Variants in HAS1 observed in about 807,000 individuals in gnomAD.
HAS1 encodes the protein HA synthase 1.
Under a neutral mutation model 35.0 loss-of-function variants are expected in HAS1, and 27 were observed. That is an observed-to-expected ratio of 0.77 (90% CI 0.57 to 1.06). The LOEUF is 1.06. Ranked by LOEUF, HAS1 falls within the 50% of genes least tolerant of loss-of-function variation. HAS1 has a pLI of 0.00. For synonymous variants in HAS1, 409 were observed against 371.2 expected (o/e 1.10, Z -1.17); for missense variants, 940 against 814.8 (o/e 1.15, Z -1.87).
In HAS1 at chr19:51,716,319, TG is replaced by T. The variant is rs774464860; in HGVS notation, c.994del (p.His332ThrfsTer41). 1.9e-6 allele frequency: 3 copies of T among 1,613,678 alleles called. 1 individual carries two copies. The South Asian group carries it at 3.3e-5, about 18-fold the overall frequency. ...GTGCCGGTCATCCCCAAAAGTACAG[TG>T]GGTACCCAGGAACTTCTGGTTGTAC... Reference protein sequence around the residue: ...AWYNQKFLGTHCTFGDDRHLT... With the variant: ...AWYNQKFLGTXCTFGDDRHLT... On this transcript the variant is annotated frameshift_variant, in exon 4 of 5. Transcript: ENST00000540069. LOFTEE classifies it high-confidence loss of function.
At chr19:51,719,136 AAG>A in intron 2 of HAS1, 68 bp downstream of exon 2, 2 of 927,758 alleles carry the variant, frequency 2.2e-6, no homozygotes, top group Non-Finnish European at 3.2e-6. Context: ...CTGTACATTG[AAG>A]GAAAGACCCC....
In HAS1 at chr19:51,719,195, C is replaced by T. The variant is rs144942434; in HGVS notation, c.699+11G>A. On this transcript the variant is annotated intron_variant, in intron 2 of 4. Transcript: ENST00000540069. Reference sequence around the variant, plus strand: ...TCGGGTCACGAGTGGGCTGAAGGCGCCTCTACTCACCTGCACGTAGTCCAC... The same window carrying T: ...TCGGGTCACGAGTGGGCTGAAGGCGTCTCTACTCACCTGCACGTAGTCCAC... The T allele has an allele frequency of 6.8e-4, 1,023 of 1,511,366 alleles. 4 individuals carry two copies. The highest frequency in any genetic ancestry group is 1.8e-3 in the Middle Eastern group (10 of 5,536). The allele number at this position is 1,511,366 out of a possible 1,614,324, so 93.6% of individuals were successfully genotyped here.
At chr19:51,718,621 C>G (rs2122262031) in intron 2 of HAS1, among the ~76,000 whole-genome samples, 1 of 152,322 alleles carries the variant, frequency 6.6e-6, no homozygotes, top group Admixed American at 6.5e-5. Flanking sequence ...ACCGCACCCT[C>G]CGCCTCCCGG....
Position 51,719,869 on chromosome 19 carries a change from G to A in HAS1, c.36C>T (p.Ala12=). 1 of 1,539,408 alleles carries A rather than the reference G, an allele frequency of 6.5e-7. No individual in the cohort carries two copies. Among genetic ancestry groups the A allele is most frequent in the Non-Finnish European group, 8.7e-7 (1 of 1,147,346 alleles). The change falls in exon 2 of 5, where the codon GCC becomes GCT. Residue 12 remains alanine, a synonymous_variant. Transcript: ENST00000540069. ...TCCGGGCCAGGCCGGAGCAGCGGCAGGCTGCAGGAGTGGGCTTGGGCGCGT... is the reference window on the plus strand; with the variant it reads ...TCCGGGCCAGGCCGGAGCAGCGGCAAGCTGCAGGAGTGGGCTTGGGCGCGT... ...RQDAPKPTPA[A]CRCSGLARRV...
At position 51,713,617 on chromosome 19, in the gene HAS1, C is replaced by G. The variant is rs765735334; in HGVS notation, c.1544G>C (p.Gly515Ala). 6.4e-7 allele frequency: 1 copy of G among 1,557,750 alleles called. No homozygotes were observed. Among genetic ancestry groups the G allele is most frequent in the Non-Finnish European group, 8.7e-7 (1 of 1,151,512 alleles). The change falls in exon 5 of 5, where the codon GGC (glycine) becomes GCC (alanine). Residue 515 changes from glycine (G) to alanine (A), a missense_variant. Gly to Ala is a moderately conservative substitution (Grantham distance 60, BLOSUM62 0). Transcript: ENST00000540069. The surrounding 1 kb of genome is among the most constrained non-coding windows in gnomAD (Gnocchi z 4.5). Reference protein sequence around the residue: ...LALWALLLLGGLVRSVAHEAR... With the variant: ...LALWALLLLGALVRSVAHEAR... The stretch of plus-strand genomic sequence containing the variant: ...CTCGTGTGCTACGCTGCGGACCAGG[C>G]CCCCAAGCAGCAGCAGCGCCCAGAG...
At chr19:51,719,130 A>T in intron 2 of HAS1, 76 bp downstream of exon 2, 1 of 831,918 alleles carries the variant, frequency 1.2e-6, no homozygotes, top group Non-Finnish European at 1.9e-6. Flanking sequence ...TCAAATCTGT[A>T]CATTGAAGGA....
Position 51,719,330 on chromosome 19 carries a change from C to T in HAS1, c.575G>A (p.Arg192Gln), listed in dbSNP as rs768521219. The change falls in exon 2 of 5, where the codon CGG (arginine) becomes CAG (glutamine). Residue 192 changes from arginine (R) to glutamine (Q), a missense_variant. By Grantham distance (43) the Arg-to-Gln change is conservative. Coordinates refer to ENST00000540069, the MANE Select transcript of HAS1 (RefSeq NM_001297436.2). Reference sequence around the variant, plus strand: ...CCTCACCAGCGCCTCCACTGCCAGCCGCCCAGGATCCTCCGCCTCCACCTC... The same window carrying T: ...CCTCACCAGCGCCTCCACTGCCAGCTGCCCAGGATCCTCCGCCTCCACCTC... Reference protein sequence around the residue: ...YREVEAEDPGRLAVEALVRTR... With the variant: ...YREVEAEDPGQLAVEALVRTR... The T allele has an allele frequency of 2.5e-6, 4 of 1,612,218 alleles. No individual in the cohort carries two copies. Among genetic ancestry groups the T allele is most frequent in the Admixed American group, 3.3e-5 (2 of 59,892 alleles).
intron 2 of HAS1, 37 bp downstream of exon 2, chr19:51,719,169 T>C (rs569217641): frequency 4.5e-6 from 6 of 1,339,382 alleles, no homozygotes; most frequent in Non-Finnish European, 5.1e-6. Flanking sequence ...GATTTGGGTG[T>C]TCGGGTCACG....
chr19:51,723,939 T>A lies in HAS1; in HGVS notation c.-6A>T. The A allele has an allele frequency of 1.3e-6, 2 of 1,508,578 alleles. No individual in the cohort carries two copies. The highest frequency in any genetic ancestry group is 1.8e-6 in the Non-Finnish European group (2 of 1,129,818). 93.4% of individuals were successfully genotyped at this position (1,508,578 alleles called of 1,614,324 possible). On this transcript the variant is annotated 5_prime_UTR_variant, in exon 1 of 5. Transcript: ENST00000540069. ...CACACACACACCTGTCTCATCGCAG[T>A]GGGTCTGGCCGGGCTCTCTCTTCTC...
rs759300669 is a variant in HAS1 at position 51,713,967 on chromosome 19, C to T, written c.1194G>A (p.Ala398=). Residue 398 remains alanine (A), a synonymous_variant, in exon 5 of 5, where the codon GCG becomes GCA. Coordinates refer to ENST00000540069, the MANE Select transcript of HAS1 (RefSeq NM_001297436.2). This position sits in a 1 kb window ranked among gnomAD's most constrained non-coding sequence, Gnocchi z 4.5. ...YNALWWHRHH[A]WMTYEAVVSG... Reference sequence around the variant, plus strand: ...AGACCACCGCCTCGTAGGTCATCCACGCATGGTGCCGGTGCCACCAGAGCG... The same window carrying T: ...AGACCACCGCCTCGTAGGTCATCCATGCATGGTGCCGGTGCCACCAGAGCG... The T allele has an allele frequency of 4.3e-6, 7 of 1,612,962 alleles. No homozygotes were observed. Among genetic ancestry groups the T allele is most frequent in the South Asian group, 1.1e-5 (1 of 91,084 alleles).
rs746343903 is a variant in HAS1 at position 51,714,047 on chromosome 19, G to C, written c.1114C>G (p.Leu372Val). The C allele has an allele frequency of 2.1e-5, 34 of 1,613,742 alleles. No homozygotes were observed. The highest frequency in any genetic ancestry group is 2.8e-5 in the Non-Finnish European group (33 of 1,179,932). Residue 372 changes from leucine to valine, a missense_variant, in exon 5 of 5, where the codon CTG becomes GTG. Coordinates refer to ENST00000540069, the MANE Select transcript of HAS1 (RefSeq NM_001297436.2). ...TTGGACCAGCGTGTCTGCTGGCTCA[G>C]CCACCGCAGGAAGGACGAGGGCGTC... ...SETPSSFLRW[L>V]SQQTRWSKSY...
At position 51,716,243 on chromosome 19, in the gene HAS1, C is replaced by A. The variant is rs376105659; in HGVS notation, c.1058+13G>T. 124 of 1,609,420 alleles carry A rather than the reference C, an allele frequency of 7.7e-5. No individual in the cohort carries two copies. Among genetic ancestry groups the A allele is most frequent in the Non-Finnish European group, 1.0e-4 (119 of 1,177,630 alleles). ...CTCCACACATACCCGACCACCTGGT[C>A]CCCTCAGCTTACTTGGTAGCATAAC... On this transcript the variant is annotated intron_variant, in intron 4 of 4. Coordinates refer to ENST00000540069, the MANE Select transcript of HAS1 (RefSeq NM_001297436.2).
Position 51,717,077 on chromosome 19 carries a change from CAGAGGGTTA to C in HAS1, c.807_815del (p.Asn270_Leu272del). The C allele has an allele frequency of 1.2e-6, 2 of 1,614,050 alleles. No individual in the cohort carries two copies. The highest frequency in any genetic ancestry group is 1.7e-6 in the Non-Finnish European group (2 of 1,179,962). ...TGCTTAGGAAGCTGACCCAGGAGTC[CAGAGGGTTA>C]AGGATCCGCACGTCCCCACCAACAG... On this transcript the variant is annotated inframe_deletion, in exon 3 of 5. Coordinates refer to ENST00000540069, the MANE Select transcript of HAS1 (RefSeq NM_001297436.2).
At chr19:51,717,532 A>C (rs2083595870) in intron 2 of HAS1, among the ~76,000 whole-genome samples, 1 of 152,206 alleles carries the variant, frequency 6.6e-6, no homozygotes, top group Non-Finnish European at 1.5e-5. Flanking sequence ...TAGGTTTTGC[A>C]ATGTAATTAA....
Position 51,719,435 on chromosome 19 carries a change from G to A in HAS1, c.470C>T (p.Ala157Val), listed in dbSNP as rs1461516115. 33 of 1,555,142 alleles carry A rather than the reference G, an allele frequency of 2.1e-5. No homozygotes were observed. The highest frequency in any genetic ancestry group is 2.9e-5 in the Non-Finnish European group (33 of 1,148,794). ...FREVFADEDP[A>V]TYVWDGNYHQ... Reference sequence around the variant, plus strand: ...GTAGTTGCCGTCCCACACGTACGTGGCGGGGTCCTCGTCAGCGAAGACCTC... The same window carrying A: ...GTAGTTGCCGTCCCACACGTACGTGACGGGGTCCTCGTCAGCGAAGACCTC... Residue 157 changes from alanine (A) to valine (V), a missense_variant, in exon 2 of 5, where the codon GCC (alanine) becomes GTC (valine). Coordinates refer to ENST00000540069, the MANE Select transcript of HAS1 (RefSeq NM_001297436.2).
chr19:51,716,226 A>G (rs761173479), intron 4 of HAS1, 30 bp downstream of exon 4: 9 of 1,599,044 alleles, frequency 5.6e-6, no homozygotes, highest in Admixed American at 5.2e-5. Flanking sequence ...GCCTCCACAC[A>G]TACCCGACCA....
chr19:51,723,884 T>TAC (rs58597876), intron 1 of HAS1, 41 bp downstream of exon 1: 169,842 of 1,207,858 alleles, frequency 0.14, 1,798 homozygotes, highest in African/African-American at 0.23. Context: ...CATGGCTGTA[T>TAC]ACACACACAC....
At chr19:51,715,213 G>T (rs538318217) in intron 4 of HAS1, among the ~76,000 whole-genome samples, 4 of 152,100 alleles carry the variant, frequency 2.6e-5, no homozygotes, top group African/African-American at 4.8e-5. Context: ...CTGCCAGAGG[G>T]ATCCCATTAC....
chr19:51,716,234 C>A, intron 4 of HAS1, 22 bp downstream of exon 4: 2 of 1,605,556 alleles, frequency 1.2e-6, no homozygotes, highest in Non-Finnish European at 8.5e-7. Flanking sequence ...ACATACCCGA[C>A]CACCTGGTCC....
Sources: allele counts gnomAD v4.1 joint callset (sites outside exome capture counted in the v4.1 genomes callset), GRCh38; gene constraint gnomAD v4.1.1; non-coding constraint Gnocchi (gnomAD v3.1); transcripts MANE v1.5; gene names NCBI Gene and HGNC (gene_info 2026-07-23, HGNC 2026-07-21).